Variants in EFNA2 observed in about 807,000 individuals in gnomAD.
EFNA2 encodes ephrin-A2.
In EFNA2, 18 loss-of-function variants were observed where a neutral mutation model predicts 19.7. The observed-to-expected ratio is 0.91, with a 90% CI of 0.63 to 1.35. EFNA2 has a LOEUF of 1.35. Ranked by LOEUF, EFNA2 falls within the 40% of genes most tolerant of loss-of-function variation. The pLI is 0.00. For missense variants in EFNA2, 303 were observed against 296.0 expected, an observed-to-expected ratio of 1.02 and a Z score of -0.17; for synonymous variants, 187 against 137.8, an observed-to-expected ratio of 1.36 and a Z score of -2.50.
intron 1 of EFNA2, among the ~76,000 whole-genome samples, chr19:1,290,975 G>A (rs1173820147): frequency 6.6e-6 from 1 of 152,230 alleles, no homozygotes; most frequent in Non-Finnish European, 1.5e-5. Flanking sequence ...TCAGCGGCGT[G>A]TCCCCCCAGC....
chr19:1,294,312 G>A lies in EFNA2; in HGVS notation c.141-1233G>A, dbSNP rs1196685200. 2.0e-5 allele frequency among the ~76,000 whole-genome samples: 3 copies of A among 152,250 alleles called. No individual in the cohort carries two copies. Among genetic ancestry groups the A allele is most frequent in the Non-Finnish European group, 4.4e-5 (3 of 68,036 alleles). ...CTAAGGGCTCCTGCCGCCATCGCCC[G>A]AGGCAGTGAGGGAAGGGGAGCCGCC... On this transcript the variant is annotated intron_variant, in intron 1 of 3. Transcript: ENST00000215368. This position sits in a 1 kb window ranked among gnomAD's most constrained non-coding sequence, Gnocchi z 5.8.
rs981719512 is a variant in EFNA2, at chr19:1,297,631, C to T, written c.455-920C>T. Among the ~76,000 whole-genome samples the T allele has an allele frequency of 5.3e-5, 8 of 152,108 alleles. No homozygotes were observed. The highest frequency in any genetic ancestry group is 1.9e-4 in the African/African-American group (8 of 41,392). On this transcript the variant is annotated intron_variant, in intron 2 of 3. Transcript: ENST00000215368. This position sits in a 1 kb window ranked among gnomAD's most constrained non-coding sequence, Gnocchi z 5.0. ...CCCTGTTCGATTGTCCACACGTGTGCACACCCCAGCGGCCCCGGCTTCAGG... is the reference window on the plus strand; with the variant it reads ...CCCTGTTCGATTGTCCACACGTGTGTACACCCCAGCGGCCCCGGCTTCAGG...
chr19:1,287,048 G>A lies in EFNA2; in HGVS notation c.140+740G>A, dbSNP rs1222782671. Among the ~76,000 whole-genome samples the A allele has an allele frequency of 6.6e-6, 1 of 152,218 alleles. No individual in the cohort carries two copies. Among genetic ancestry groups the A allele is most frequent in the Non-Finnish European group, 1.5e-5 (1 of 68,022 alleles). ...CAGGACCCAGGTGGCCCAGTGCCCT[G>A]CCTGCCACGCCCGGCCGAGATGCCG... On this transcript the variant is annotated intron_variant, in intron 1 of 3. Coordinates refer to ENST00000215368, the MANE Select transcript of EFNA2 (RefSeq NM_001405.4). The surrounding 1 kb of genome is among the most constrained non-coding windows in gnomAD (Gnocchi z 6.2).
chr19:1,285,777 G>A (rs565297944), upstream of EFNA2, among the ~76,000 whole-genome samples: 88 of 149,884 alleles, frequency 5.9e-4, 1 homozygote, highest in African/African-American at 2.1e-3. This position sits in a 1 kb window ranked among gnomAD's most constrained non-coding sequence, Gnocchi z 4.1. Flanking sequence ...CAGGGGGCGG[G>A]CGCAGGCTGG....
intron 1 of EFNA2, among the ~76,000 whole-genome samples, chr19:1,293,404 C>T (rs2144618480): frequency 6.6e-6 from 1 of 152,340 alleles, no homozygotes; most frequent in Non-Finnish European, 1.5e-5. Flanking sequence ...AGCCCATCTC[C>T]ATCTGAGCCT....
In EFNA2 at chr19:1,294,921, G is replaced by A. The variant is rs1373992292; in HGVS notation, c.141-624G>A. ...GATGTTAAGCATGTTAGGTAGATGC[G>A]AAGTTTCTGGAGAGGGAATTCTTGT... is the stretch of plus-strand genomic sequence containing the variant. On this transcript the variant is annotated intron_variant, in intron 1 of 3. Transcript: ENST00000215368. The surrounding 1 kb of genome is among the most constrained non-coding windows in gnomAD (Gnocchi z 5.8). 5.3e-5 allele frequency among the ~76,000 whole-genome samples: 8 copies of A among 151,798 alleles called. No individual in the cohort carries two copies. Among genetic ancestry groups the A allele is most frequent in the Non-Finnish European group, 1.2e-4 (8 of 67,764 alleles).
intron 1 of EFNA2, among the ~76,000 whole-genome samples, chr19:1,291,226 A>C (rs970156738): frequency 6.6e-6 from 1 of 152,148 alleles, no homozygotes; most frequent in Non-Finnish European, 1.5e-5. Flanking sequence ...CGGTGACGGA[A>C]GCCCAGGTGG....
intron 3 of EFNA2, among the ~76,000 whole-genome samples, chr19:1,299,194 C>T (rs776779950): frequency 3.3e-5 from 5 of 152,014 alleles, no homozygotes; most frequent in African/African-American, 4.8e-5. Context: ...GCCCAGATTG[C>T]GCCACTGCTC....
At chr19:1,293,431 C>T (rs769614177) in intron 1 of EFNA2, among the ~76,000 whole-genome samples, 3 of 152,200 alleles carry the variant, frequency 2.0e-5, no homozygotes, top group African/African-American at 4.8e-5. Flanking sequence ...GGGCTGCCCC[C>T]GTGTCTGTGC....
intron 1 of EFNA2, among the ~76,000 whole-genome samples, chr19:1,293,844 T>A (rs1350520249): frequency 6.6e-6 from 1 of 152,256 alleles, no homozygotes; most frequent in African/African-American, 2.4e-5. Flanking sequence ...CACACCTGTC[T>A]GCCCCTTCTC....
chr19:1,298,711 G>A (rs2081527143), intron 3 of EFNA2, 95 bp downstream of exon 3: 19 of 1,403,330 alleles, frequency 1.4e-5, no homozygotes, highest in Admixed American at 7.9e-5. Context: ...AGGACAGGGG[G>A]CCTCGGGTTT....
At chr19:1,289,944 GGGCGCTA>G (rs1307515899) in intron 1 of EFNA2, among the ~76,000 whole-genome samples, 1 of 152,194 alleles carries the variant, frequency 6.6e-6, no homozygotes, top group Non-Finnish European at 1.5e-5. Context: ...TCGGCATTGG[GGGCGCTA>G]GGAGAGCCGG....
At chr19:1,298,738 C>T (rs2081527295) in intron 3 of EFNA2, 122 bp downstream of exon 3, 1 of 1,073,424 alleles carries the variant, frequency 9.3e-7, no homozygotes, top group Non-Finnish European at 1.4e-6. Flanking sequence ...CTTGCCCTGC[C>T]TTGCCCCAGC....
At chr19:1,292,685 A>G (rs958136099) in intron 1 of EFNA2, among the ~76,000 whole-genome samples, 8 of 152,110 alleles carry the variant, frequency 5.3e-5, no homozygotes, top group Admixed American at 3.3e-4. Context: ...TGGGCCACAC[A>G]GGCCTGGAGG....
rs981547171 is a variant in EFNA2, at chr19:1,287,630, G to A, written c.140+1322G>A. 1.2e-4 allele frequency among the ~76,000 whole-genome samples: 19 copies of A among 152,214 alleles called. No individual in the cohort carries two copies. Among genetic ancestry groups the A allele is most frequent in the Admixed American group, 8.5e-4 (13 of 15,302 alleles). ...ACCCCCCACCCTGGTCAACGGCCTC[G>A]GGTCGGGCCCTGGGGGCTGAGGGCA... On this transcript the variant is annotated intron_variant, in intron 1 of 3. Transcript: ENST00000215368. This position sits in a 1 kb window ranked among gnomAD's most constrained non-coding sequence, Gnocchi z 6.2.
At chr19:1,298,752 G>T (rs1015373947) in intron 3 of EFNA2, 136 bp downstream of exon 3, 2 of 914,638 alleles carry the variant, frequency 2.2e-6, no homozygotes, top group Admixed American at 2.3e-5. Flanking sequence ...CCCCAGCCTC[G>T]ATTTCCCCGT....
chr19:1,290,793 G>A (rs910147449), intron 1 of EFNA2, among the ~76,000 whole-genome samples: 4 of 152,186 alleles, frequency 2.6e-5, no homozygotes, highest in Non-Finnish European at 5.9e-5. Flanking sequence ...TGTGCCCACC[G>A]TCCCGTCGCC....
Position 1,285,938 on chromosome 19 carries a change from G to T in EFNA2, c.-231G>T, listed in dbSNP as rs1009377983. On this transcript the variant is annotated 5_prime_UTR_variant, in exon 1 of 4. Transcript: ENST00000215368. The surrounding 1 kb of genome is among the most constrained non-coding windows in gnomAD (Gnocchi z 4.1). Reference sequence around the variant, plus strand: ...CCGCGCTCCGACAGTCCGCGCGGCCGGGTCCTGCGCCCGGGGCGACCCCGG... The same window carrying T: ...CCGCGCTCCGACAGTCCGCGCGGCCTGGTCCTGCGCCCGGGGCGACCCCGG... 1.4e-5 allele frequency among the ~76,000 whole-genome samples: 2 copies of T among 144,998 alleles called. No homozygotes were observed. The highest frequency in any genetic ancestry group is 3.1e-5 in the Non-Finnish European group (2 of 65,402).
In EFNA2 at chr19:1,295,584, G is replaced by T. The variant is rs769094200; in HGVS notation, c.180G>T (p.Thr60=). The stretch of plus-strand genomic sequence containing the variant: ...CGGGGGACGACGGCGGGGGCTACAC[G>T]GTGGAGGTGAGCATCAATGACTACC... ...AGAGDDGGGY[T]VEVSINDYLD... Residue 60 remains threonine, a synonymous_variant, in exon 2 of 4, where the codon ACG becomes ACT. Transcript: ENST00000215368. The surrounding 1 kb of genome is among the most constrained non-coding windows in gnomAD (Gnocchi z 5.8). The T allele has an allele frequency of 6.2e-7, 1 of 1,609,112 alleles. No homozygotes were observed. Among genetic ancestry groups the T allele is most frequent in the South Asian group, 1.1e-5 (1 of 90,634 alleles).
Sources: allele counts gnomAD v4.1 joint callset (sites outside exome capture counted in the v4.1 genomes callset), GRCh38; gene constraint gnomAD v4.1.1; non-coding constraint Gnocchi (gnomAD v3.1); transcripts MANE v1.5; gene names NCBI Gene and HGNC (gene_info 2026-07-23, HGNC 2026-07-21).